Variants in HUWE1 observed in about 807,000 individuals in gnomAD.
The protein encoded by HUWE1 is HECT, UBA and WWE domain containing E3 ubiquitin protein ligase 1.
A neutral mutation model predicts 299.4 loss-of-function variants in HUWE1; 18 were observed. The ratio of observed to expected loss-of-function variants is 0.06; its 90% CI spans 0.04 to 0.09. The LOEUF (loss-of-function observed/expected upper bound fraction) is 0.09, where lower values mean the gene tolerates loss of function less well. Among genes scored for constraint, HUWE1 ranks in the 10% least tolerant of loss-of-function variants. The pLI is 1.00. For synonymous variants in HUWE1, 1,317 were observed against 1,286.1 expected, an observed-to-expected ratio of 1.02 and a Z score of -0.51; for missense variants, 1,832 against 3,462.3, an observed-to-expected ratio of 0.53 and a Z score of 11.82.
At chrX:53,553,919 A>T (rs2061881529) in intron 61 of HUWE1, among the ~76,000 whole-genome samples, 1 of 111,975 alleles carries the variant, frequency 8.9e-6, no homozygotes, top group Non-Finnish European at 1.9e-5. Context: ...GATGGTATAG[A>T]GCAGGGATGG....
intron 12 of HUWE1, among the ~76,000 whole-genome samples, chrX:53,629,990 T>C (rs189939061): frequency 8.9e-6 from 1 of 112,543 alleles, no homozygotes; most frequent in East Asian, 2.8e-4. Context: ...TGTAAACACT[T>C]GTAAAGAACA....
chrX:53,588,003 T>A (rs946026570), intron 37 of HUWE1, among the ~76,000 whole-genome samples: 2 of 112,040 alleles, frequency 1.8e-5, no homozygotes, highest in Non-Finnish European at 1.9e-5. Context: ...ACTATGTGGC[T>A]GCCAGTTAGG....
intron 61 of HUWE1, 49 bp downstream of exon 61, chrX:53,554,584 C>T (rs2061916643): frequency 8.7e-7 from 1 of 1,151,725 alleles, no homozygotes. Flanking sequence ...CAAAGACATC[C>T]TTTCTTCCCT....
chrX:53,624,487 ACT>A (rs2066356879), intron 19 of HUWE1, 106 bp downstream of exon 19: 6 of 581,266 alleles, frequency 1.0e-5, no homozygotes, highest in African/African-American at 4.6e-5. Flanking sequence ...ATAGAGTGAG[ACT>A]CTGTCTCAAA....
intron 34 of HUWE1, 71 bp from the exon 35 acceptor site, chrX:53,590,570 C>T: frequency 2.6e-6 from 2 of 759,343 alleles, no homozygotes; most frequent in Non-Finnish European, 4.1e-6. Context: ...ACCACTGCAA[C>T]TCACAGGCAA....
At chrX:53,656,227 G>A (rs1023489395) in intron 3 of HUWE1, among the ~76,000 whole-genome samples, 10 of 109,780 alleles carry the variant, frequency 9.1e-5, no homozygotes, top group Admixed American at 2.9e-4. Flanking sequence ...TACAAAAAAA[G>A]TAGCCGGGCG....
chrX:53,609,695 AG>A (rs1385616277), intron 23 of HUWE1, among the ~76,000 whole-genome samples: 1 of 112,363 alleles, frequency 8.9e-6, no homozygotes, highest in Admixed American at 9.4e-5. Context: ...AACCCCAGGA[AG>A]GAACAAATAC....
intron 3 of HUWE1, among the ~76,000 whole-genome samples, chrX:53,672,613 T>C (rs1315159414): frequency 2.7e-5 from 3 of 111,249 alleles, no homozygotes; most frequent in African/African-American, 9.8e-5. Flanking sequence ...TAAAGTGTCA[T>C]CCTTACTTCT....
Position 53,547,728 on chromosome X carries a change from G to T in HUWE1, c.10581C>A (p.Val3527=). 8.3e-7 allele frequency: 1 copy of T among 1,206,834 alleles called. No individual in the cohort carries two copies. Among genetic ancestry groups the T allele is most frequent in the Non-Finnish European group, 1.1e-6 (1 of 892,476 alleles). ...LVAATAISTI[V]VAASTTVTTP... Reference sequence around the variant, plus strand: ...TAGTCACTGTGGTCGAAGCAGCTACGACAATGGTGGAAATAGCCGTGGCAG... The same window carrying T: ...TAGTCACTGTGGTCGAAGCAGCTACTACAATGGTGGAAATAGCCGTGGCAG... Residue 3527 remains valine, a synonymous_variant, in exon 68 of 84, where the codon GTC becomes GTA. Coordinates refer to ENST00000262854, the MANE Select transcript of HUWE1 (RefSeq NM_031407.7).
Position 53,632,509 on chromosome X carries a change from G to A in HUWE1, c.623C>T (p.Ala208Val), listed in dbSNP as rs782082547. 14 of 1,203,987 alleles carry A rather than the reference G, an allele frequency of 1.2e-5. No homozygotes were observed. The highest frequency in any genetic ancestry group is 2.3e-4 in the Middle Eastern group (1 of 4,364). ...LHFEFYADPG[A>V]EVKIEKRTTS... The stretch of plus-strand genomic sequence containing the variant: ...CACCCTTTTCTCAATTTTGACCTCG[G>A]CCCCAGGATCTGCATAGAATTCAAA... Residue 208 changes from alanine to valine, a missense_variant, in exon 9 of 84, where the codon GCC becomes GTC. Physicochemically the swap from Ala to Val is moderately conservative, Grantham distance 64. This residue lies in a region of HUWE1 where 658 missense variants were observed against 1,282.6 expected (regional missense o/e 0.51). Transcript: ENST00000262854.
At chrX:53,564,135 G>A (rs1253630920) in intron 51 of HUWE1, among the ~76,000 whole-genome samples, 2 of 112,002 alleles carry the variant, frequency 1.8e-5, no homozygotes, top group African/African-American at 3.3e-5. Context: ...CTTACCCAAT[G>A]CTACCAGCTC....
At chrX:53,622,362 C>T (rs1855954200) in intron 19 of HUWE1, among the ~76,000 whole-genome samples, 2 of 111,915 alleles carry the variant, frequency 1.8e-5, no homozygotes, top group South Asian at 3.8e-4. Context: ...TCTACCCATA[C>T]AAGCTGACCT....
At chrX:53,686,202 T>C (rs1383316780) in intron 2 of HUWE1, 68 bp downstream of exon 2, 1 of 112,804 alleles carries the variant, frequency 8.9e-6, no homozygotes, top group Non-Finnish European at 1.9e-5. Context: ...CTCGAACCAG[T>C]GAGAAACGCT....
rs1556913121 is a variant in HUWE1, at chrX:53,536,382, G to A, written c.12423C>T (p.Val4141=). The stretch of plus-strand genomic sequence containing the variant: ...CCAGGACTATGCCTCATCCTCACCT[G>A]ACTGACTTGCCCAAGATGTGTTTGT... ...SFYKHILGKS[V]RYTDMESEDY... is the part of the protein sequence containing the mutation. The change falls in exon 79 of 84, where the codon GTC becomes GTT. Residue 4141 remains valine, a splice_region_variant and synonymous_variant. Coordinates refer to ENST00000262854, the MANE Select transcript of HUWE1 (RefSeq NM_031407.7). 1 of 1,208,811 alleles carries A rather than the reference G, an allele frequency of 8.3e-7. No homozygotes were observed. The highest frequency in any genetic ancestry group is 1.8e-5 in the African/African-American group (1 of 56,960).
At chrX:53,551,617 T>C in intron 63 of HUWE1, 137 bp from the exon 64 acceptor site, 1 of 556,584 alleles carries the variant, frequency 1.8e-6, no homozygotes, top group Non-Finnish European at 3.0e-6. Flanking sequence ...GGCTCGAGTC[T>C]TCCTGCCTCA....
intron 74 of HUWE1, among the ~76,000 whole-genome samples, chrX:53,542,179 CAAAAACA>C (rs2061372956): frequency 9.0e-6 from 1 of 111,642 alleles, no homozygotes; most frequent in African/African-American, 3.3e-5. Flanking sequence ...GAGACTGTCT[CAAAAACA>C]ACCACCACAA....
At position 53,575,748 on chromosome X, in the gene HUWE1, C is replaced by T. The variant is rs782072592; in HGVS notation, c.5925G>A (p.Glu1975=). The T allele has an allele frequency of 9.1e-6, 11 of 1,211,717 alleles. No homozygotes were observed. The East Asian group carries it at 2.4e-4, about 26-fold the overall frequency. ...SDPKPGVMTQ[E]VGQLLQDMGD... is the part of the protein sequence containing the mutation. ...CCATGTCTTGCAGGAGCTGGCCAAC[C>T]TCTTGGGTCATAACCCCAGGTTTAG... Residue 1975 remains glutamate (E), a synonymous_variant, in exon 45 of 84, where the codon GAG becomes GAA. Coordinates refer to ENST00000262854, the MANE Select transcript of HUWE1 (RefSeq NM_031407.7).
chrX:53,596,462 G>A (rs1175774820), intron 29 of HUWE1, among the ~76,000 whole-genome samples: 2 of 112,076 alleles, frequency 1.8e-5, no homozygotes, highest in East Asian at 5.6e-4. Flanking sequence ...TCACACTTAT[G>A]CACATACACT....
At chrX:53,559,776 C>T (rs2062201687) in intron 56 of HUWE1, among the ~76,000 whole-genome samples, 2 of 112,104 alleles carry the variant, frequency 1.8e-5, no homozygotes, top group African/African-American at 3.2e-5. Context: ...CCAGGCACTG[C>T]GTCAGGTCAC....
Sources: gnomAD v4.1 joint callset for allele counts (sites outside exome capture counted in the v4.1 genomes callset) on GRCh38, gnomAD v4.1.1 for gene constraint, gnomAD v4.1.1 regional missense constraint, MANE v1.5 for transcripts, NCBI Gene and HGNC (gene_info 2026-07-23, HGNC 2026-07-21) for gene names.